CWC27: variants seen among roughly 807,000 people sequenced by gnomAD.
CWC27 encodes CWC27 spliceosome associated cyclophilin.
CWC27 carries 47 observed loss-of-function variants against 63.6 expected under a neutral mutation model. The observed-to-expected ratio is 0.74, with a 90% CI of 0.58 to 0.94. The LOEUF is 0.94. Ranked by LOEUF, CWC27 falls within the 40% of genes least tolerant of loss-of-function variation. The pLI is 0.00. For missense variants in CWC27, 495 were observed against 554.3 expected (o/e 0.89, Z 1.07); for synonymous variants, 175 against 179.8 (o/e 0.97, Z 0.22).
intron 10 of CWC27, among the ~76,000 whole-genome samples, chr5:64,823,655 G>A (rs566885958): frequency 3.9e-5 from 6 of 152,262 alleles, no homozygotes; most frequent in African/African-American, 1.4e-4. Context: ...ACATTAAAAA[G>A]TACCAAATAG....
chr5:65,018,061 T>C, intron 13 of CWC27, 98 bp from the exon 14 acceptor site: 5 of 1,104,996 alleles, frequency 4.5e-6, no homozygotes, highest in Non-Finnish European at 6.4e-6. Context: ...TGGTGTTCTG[T>C]ATGCTTATGT....
chr5:64,991,881 A>G (rs1749543034), intron 13 of CWC27, among the ~76,000 whole-genome samples: 1 of 152,142 alleles, frequency 6.6e-6, no homozygotes, highest in Non-Finnish European at 1.5e-5. Flanking sequence ...AGGTCCCTTC[A>G]TTTATTTTAA....
intron 7 of CWC27, among the ~76,000 whole-genome samples, chr5:64,799,737 G>C (rs1744420833): frequency 1.3e-5 from 2 of 151,948 alleles, no homozygotes; most frequent in South Asian, 4.2e-4. Context: ...TTTGGTCACT[G>C]ATAAATATTC....
At chr5:64,774,314 T>G (rs1476910063) in intron 1 of CWC27, among the ~76,000 whole-genome samples, 2 of 152,156 alleles carry the variant, frequency 1.3e-5, no homozygotes, top group Non-Finnish European at 2.9e-5. Context: ...CCTGGCTAAT[T>G]AAAACAAATT....
intron 11 of CWC27, among the ~76,000 whole-genome samples, chr5:64,942,615 G>C (rs1320262620): frequency 6.6e-6 from 1 of 152,036 alleles, no homozygotes; most frequent in African/African-American, 2.4e-5. Context: ...CGCACCAAAA[G>C]ATTGATGAAT....
At chr5:64,986,822 A>G (rs1032620769) in intron 13 of CWC27, among the ~76,000 whole-genome samples, 6 of 152,126 alleles carry the variant, frequency 3.9e-5, no homozygotes, top group Non-Finnish European at 8.8e-5. Flanking sequence ...AGGTAAGCTG[A>G]TCTGGAAAAT....
chr5:64,770,083 A>C (rs1743190536), intron 1 of CWC27, among the ~76,000 whole-genome samples: 1 of 152,260 alleles, frequency 6.6e-6, no homozygotes, highest in Admixed American at 6.5e-5. Flanking sequence ...TTTACACAAC[A>C]TACCATCCTG....
intron 3 of CWC27, 104 bp downstream of exon 3, chr5:64,782,137 A>T: frequency 3.3e-6 from 2 of 606,646 alleles, no homozygotes; most frequent in Non-Finnish European, 5.5e-6. Flanking sequence ...CAAGAGGAAA[A>T]AACGTTTCAC....
chr5:64,858,095 G>A (rs575990866), intron 10 of CWC27, among the ~76,000 whole-genome samples: 1 of 95,004 alleles, frequency 1.1e-5, no homozygotes, highest in African/African-American at 4.2e-5. Flanking sequence ...CCGAGATCGC[G>A]CCACTGCACT....
chr5:64,804,114 T>TAAA, intron 9 of CWC27, 115 bp from the exon 10 acceptor site: 335 of 790,556 alleles, frequency 4.2e-4, no homozygotes, highest in South Asian at 1.8e-3. Context: ...GAAAACAAAA[T>TAAA]AAAAAAAAAA....
intron 10 of CWC27, among the ~76,000 whole-genome samples, chr5:64,822,541 G>A (rs1014389835): frequency 2.6e-5 from 4 of 152,158 alleles, no homozygotes; most frequent in African/African-American, 7.2e-5. Context: ...GAAAAGTACA[G>A]GGTGTATTTG....
intron 9 of CWC27, among the ~76,000 whole-genome samples, chr5:64,803,534 G>A (rs768618969): frequency 6.6e-6 from 1 of 152,198 alleles, no homozygotes; most frequent in Non-Finnish European, 1.5e-5. Flanking sequence ...AGGTAAGTGT[G>A]TGGTTCTACC....
rs757528339 is a variant in CWC27, at chr5:64,844,945, G to A, written c.939-40498G>A. 2.4e-5 allele frequency: 11 copies of A among 456,674 alleles called. 1 individual carries two copies. The highest frequency in any genetic ancestry group is 1.7e-4 in the South Asian group (11 of 64,562). 28.3% of individuals were successfully genotyped at this position (456,674 alleles called of 1,614,324 possible). A position where few individuals can be genotyped will look rare whatever the true frequency, so the allele number is the denominator to read the frequency against. ...CAGGAAATTACTCTGCCTAACCTTG[G>A]AGCCCAGCCTACAGCCCGGCCCAAC... is the stretch of plus-strand genomic sequence containing the variant. On this transcript the variant is annotated intron_variant, in intron 10 of 13. Transcript: ENST00000381070.
intron 4 of CWC27, among the ~76,000 whole-genome samples, chr5:64,785,006 T>C (rs1027960123): frequency 2.0e-5 from 3 of 152,228 alleles, no homozygotes; most frequent in African/African-American, 7.2e-5. Context: ...AGAAAGGCCA[T>C]CACTGTTGGT....
intron 13 of CWC27, among the ~76,000 whole-genome samples, chr5:65,005,297 A>G (rs1749822118): frequency 6.6e-6 from 1 of 151,956 alleles, no homozygotes; most frequent in African/African-American, 2.4e-5. Flanking sequence ...ACACCTCCAG[A>G]TGGTACTTGC....
chr5:64,942,800 T>C (rs1371613036), intron 11 of CWC27, among the ~76,000 whole-genome samples: 1 of 152,244 alleles, frequency 6.6e-6, no homozygotes, highest in Non-Finnish European at 1.5e-5. Flanking sequence ...TAAATATGGC[T>C]TTACTCCGGA....
At chr5:65,007,626 C>CTTTTTT (rs57750177) in intron 13 of CWC27, among the ~76,000 whole-genome samples, 1 of 108,170 alleles carries the variant, frequency 9.2e-6, no homozygotes, top group Non-Finnish European at 1.9e-5. Flanking sequence ...TCATCATTTT[C>CTTTTTT]TTTTTTTTTT....
chr5:64,814,452 T>G (rs1250868478), intron 10 of CWC27, among the ~76,000 whole-genome samples: 3 of 152,188 alleles, frequency 2.0e-5, no homozygotes. Flanking sequence ...ATATTTATTA[T>G]TATTCTACCT....
chr5:64,971,586 T>C lies in CWC27; in HGVS notation c.1043-117T>C, dbSNP rs1749125292. The C allele has an allele frequency of 4.7e-6, 3 of 639,156 alleles. No homozygotes were observed. The South Asian group carries it at 8.8e-5, about 19-fold the overall frequency. 39.6% of individuals were successfully genotyped at this position (639,156 alleles called of 1,614,324 possible). A position where few individuals can be genotyped will look rare whatever the true frequency, so the allele number is the denominator to read the frequency against. ...TTACAGGTTTTCTTTTGAAATTAAATGGTGAAAAAGCAAGCCCAAGTGCCA... is the reference window on the plus strand; with the variant it reads ...TTACAGGTTTTCTTTTGAAATTAAACGGTGAAAAAGCAAGCCCAAGTGCCA... On this transcript the variant is annotated intron_variant, in intron 11 of 13. Transcript: ENST00000381070.
Sources: gnomAD v4.1 joint callset for allele counts (sites outside exome capture counted in the v4.1 genomes callset) on GRCh38, gnomAD v4.1.1 for gene constraint, MANE v1.5 for transcripts, NCBI Gene and HGNC (gene_info 2026-07-23, HGNC 2026-07-21) for gene names.